Variants in PITPNC1 observed in about 807,000 individuals in gnomAD.
PITPNC1 encodes phosphatidylinositol transfer protein cytoplasmic 1.
A neutral mutation model predicts 44.7 loss-of-function variants in PITPNC1; 18 were observed. That is an observed-to-expected ratio of 0.40 (90% confidence interval 0.28 to 0.60). The LOEUF (loss-of-function observed/expected upper bound fraction) is 0.60. Ranked by LOEUF, PITPNC1 falls within the 20% of genes least tolerant of loss-of-function variation. The pLI, the probability that PITPNC1 is intolerant of heterozygous loss-of-function variation, is 0.39. For missense variants in PITPNC1, 290 were observed against 418.4 expected, an observed-to-expected ratio of 0.69 and a Z score of 2.68; for synonymous variants, 141 against 149.6, an observed-to-expected ratio of 0.94 and a Z score of 0.42.
rs560149112 is a variant in PITPNC1, at chr17:67,408,112, G to A, written c.48+29910G>A. 4.7e-5 allele frequency among the ~76,000 whole-genome samples: 7 copies of A among 150,488 alleles called. No individual in the cohort carries two copies. In the East Asian group the frequency reaches 1.2e-3, roughly 26 times the overall value. ...TGGGATTACAGGCATGCACCGCCACGCCCAGCTAATTTTTTGTATTTTTAG... is the reference window on the plus strand; with the variant it reads ...TGGGATTACAGGCATGCACCGCCACACCCAGCTAATTTTTTGTATTTTTAG... On this transcript the variant is annotated intron_variant, in intron 1 of 8. Transcript: ENST00000581322.
chr17:67,389,944 G>T (rs2038112823), intron 1 of PITPNC1, among the ~76,000 whole-genome samples: 1 of 152,108 alleles, frequency 6.6e-6, no homozygotes, highest in Non-Finnish European at 1.5e-5. Flanking sequence ...CTCCCAAAGT[G>T]CTGGGATTAC....
At chr17:67,669,433 A>T in intron 6 of PITPNC1, 75 bp from the exon 7 acceptor site, 2 of 1,092,782 alleles carry the variant, frequency 1.8e-6, no homozygotes, top group Non-Finnish European at 2.6e-6. Context: ...TATGTTATTT[A>T]ATACTTATTC....
intron 6 of PITPNC1, among the ~76,000 whole-genome samples, chr17:67,633,176 G>T (rs1457358903): frequency 2.6e-5 from 4 of 152,110 alleles, no homozygotes; most frequent in Non-Finnish European, 5.9e-5. Context: ...CAGATGCAGG[G>T]CTATTTTTGT....
intron 8 of PITPNC1, among the ~76,000 whole-genome samples, chr17:67,677,021 C>A (rs1223065351): frequency 6.6e-6 from 1 of 152,086 alleles, no homozygotes; most frequent in African/African-American, 2.4e-5. Context: ...CTGTCTATTT[C>A]TAGTTGTGTT....
rs74683334 is a variant in PITPNC1, at chr17:67,437,951, C to T, written c.48+59749C>T. ...GGGCGTGGTGGCACACATCTGTAAT[C>T]CCAGCTGCTGGGGAGGCCAAGGCAG... On this transcript the variant is annotated intron_variant, in intron 1 of 8. Transcript: ENST00000581322. Among the ~76,000 whole-genome samples the T allele has an allele frequency of 5.9e-3, 893 of 152,212 alleles. 10 individuals are homozygous for T. Among genetic ancestry groups the T allele is most frequent in the African/African-American group, 0.02 (847 of 41,532 alleles).
intron 6 of PITPNC1, among the ~76,000 whole-genome samples, chr17:67,660,538 A>G (rs972166052): frequency 3.7e-4 from 35 of 93,426 alleles, no homozygotes; most frequent in East Asian, 6.9e-4. Flanking sequence ...TTATTTATTT[A>G]TTTGTTTATT....
intron 1 of PITPNC1, chr17:67,379,436 A>C (rs749622446): frequency 2.2e-6 from 2 of 928,056 alleles, no homozygotes; most frequent in Non-Finnish European, 2.6e-6. Flanking sequence ...AGTAGCTGCA[A>C]GTTTACAAAA....
At chr17:67,495,850 C>T (rs956712580) in intron 1 of PITPNC1, among the ~76,000 whole-genome samples, 1 of 152,076 alleles carries the variant, frequency 6.6e-6, no homozygotes, top group Non-Finnish European at 1.5e-5. Flanking sequence ...GGGAAGAGGA[C>T]GTTTAGCTAA....
intron 1 of PITPNC1, among the ~76,000 whole-genome samples, chr17:67,413,325 T>C (rs2038532421): frequency 6.6e-6 from 1 of 152,216 alleles, no homozygotes; most frequent in African/African-American, 2.4e-5. Context: ...TTTGACCCAT[T>C]AGCTCAGCTA....
chr17:67,646,696 G>T (rs1268459656), intron 6 of PITPNC1, among the ~76,000 whole-genome samples: 3 of 152,130 alleles, frequency 2.0e-5, no homozygotes, highest in Admixed American at 2.0e-4. Flanking sequence ...GTGTGGGTGT[G>T]TGTGTGTGGG....
chr17:67,386,236 G>A (rs1425813606), intron 1 of PITPNC1, among the ~76,000 whole-genome samples: 2 of 152,200 alleles, frequency 1.3e-5, no homozygotes, highest in African/African-American at 4.8e-5. Flanking sequence ...TTGTCGCCCA[G>A]GCTGGAGTGC....
intron 1 of PITPNC1, among the ~76,000 whole-genome samples, chr17:67,463,279 G>A (rs995257851): frequency 6.6e-6 from 1 of 152,100 alleles, no homozygotes; most frequent in Non-Finnish European, 1.5e-5. Flanking sequence ...TGGTGGGTAG[G>A]GGGGATTGAA....
At chr17:67,482,972 G>T (rs911121491) in intron 1 of PITPNC1, among the ~76,000 whole-genome samples, 1 of 150,348 alleles carries the variant, frequency 6.7e-6, no homozygotes, top group South Asian at 2.1e-4. Context: ...CTGCCGCCCT[G>T]TACCACAGTA....
intron 1 of PITPNC1, among the ~76,000 whole-genome samples, chr17:67,499,621 A>G (rs143643863): frequency 6.1e-4 from 93 of 152,366 alleles, no homozygotes; most frequent in African/African-American, 2.0e-3. Context: ...CATGCACCAT[A>G]TAACAATATT....
At chr17:67,570,743 G>A (rs1050789245) in intron 4 of PITPNC1, among the ~76,000 whole-genome samples, 3 of 151,742 alleles carry the variant, frequency 2.0e-5, no homozygotes, top group African/African-American at 7.3e-5. Flanking sequence ...AGAAGCTGCG[G>A]TTTGAACTGA....
At chr17:67,475,339 A>G (rs2039610933) in intron 1 of PITPNC1, among the ~76,000 whole-genome samples, 1 of 152,116 alleles carries the variant, frequency 6.6e-6, no homozygotes, top group African/African-American at 2.4e-5. Context: ...TCTAAATCCA[A>G]CGTGACGCCT....
chr17:67,619,116 A>T (rs1289600363), intron 5 of PITPNC1, among the ~76,000 whole-genome samples: 2 of 152,254 alleles, frequency 1.3e-5, no homozygotes, highest in South Asian at 2.1e-4. Context: ...GAAACTTTTT[A>T]AAAAAGAAAG....
intron 1 of PITPNC1, among the ~76,000 whole-genome samples, chr17:67,435,108 CAAA>C (rs555005702): frequency 0.022 from 1,659 of 76,608 alleles, 29 homozygotes; most frequent in African/African-American, 0.071. Context: ...GACTCCATCT[CAAA>C]AAAAAAAAAA....
chr17:67,596,577 C>T (rs1008661177), intron 5 of PITPNC1, among the ~76,000 whole-genome samples: 11 of 152,072 alleles, frequency 7.2e-5, no homozygotes, highest in Admixed American at 5.2e-4. Context: ...GTGGCCCGAT[C>T]TCGGCTCACT....
Sources: allele counts gnomAD v4.1 joint callset (sites outside exome capture counted in the v4.1 genomes callset), GRCh38; gene constraint gnomAD v4.1.1; transcripts MANE v1.5; gene names NCBI Gene and HGNC (gene_info 2026-07-23, HGNC 2026-07-21).